The following MOV10L1 variants were observed in gnomAD, a reference collection of about 807,000 sequenced individuals.
MOV10L1 encodes the protein Mov10 like RNA helicase 1.
Under a neutral mutation model 143.8 loss-of-function variants are expected in MOV10L1, and 110 were observed. That is an observed-to-expected ratio of 0.76 (90% confidence interval 0.66 to 0.90). The LOEUF is 0.90. Among genes scored for constraint, MOV10L1 ranks in the 40% least tolerant of loss-of-function variants. The probability of loss-of-function intolerance (pLI) is 0.00; values close to 1 mark genes in which losing one functional copy is unlikely to be tolerated. For missense variants in MOV10L1, 1,406 were observed against 1,526.8 expected (o/e 0.92, Z 1.32); for synonymous variants, 593 against 581.1 (o/e 1.02, Z -0.29).
At chr22:50,148,726 C>T (rs995662385) in intron 19 of MOV10L1, among the ~76,000 whole-genome samples, 1 of 151,016 alleles carries the variant, frequency 6.6e-6, no homozygotes, top group Non-Finnish European at 1.5e-5. Flanking sequence ...TGCAGTGGCG[C>T]GATCTCAGCT....
chr22:50,106,659 C>T (rs35751043), intron 3 of MOV10L1, among the ~76,000 whole-genome samples: 2,771 of 150,984 alleles, frequency 0.018, 48 homozygotes, highest in Middle Eastern at 0.042. Flanking sequence ...AAATGTGTCT[C>T]CAGAGTTGCA....
Position 50,108,730 on chromosome 22 carries a change from A to G in MOV10L1, c.629A>G (p.Lys210Arg). ...ESIFFTLDSL[K>R]LPDGYTPRRG... ...ATCTTCTTTACCTTGGACTCCTTGA[A>G]ACTGCCAGATGGGTACACACCCCGG... is the stretch of plus-strand genomic sequence containing the variant. The change falls in exon 5 of 27, where the codon AAA becomes AGA. Residue 210 changes from lysine (K) to arginine (R), a missense_variant. Physicochemically the swap from Lys to Arg is conservative, Grantham distance 26. This residue lies in a region of MOV10L1 where 1,233 missense variants were observed against 1,351.4 expected (regional missense o/e 0.91). Transcript: ENST00000262794. The G allele has an allele frequency of 6.2e-7, 1 of 1,614,166 alleles. No individual in the cohort carries two copies. The highest frequency in any genetic ancestry group is 8.5e-7 in the Non-Finnish European group (1 of 1,180,026).
chr22:50,114,936 C>T (rs1411318769), intron 7 of MOV10L1, among the ~76,000 whole-genome samples, 178 bp from the exon 8 acceptor site: 1 of 152,228 alleles, frequency 6.6e-6, no homozygotes, highest in Non-Finnish European at 1.5e-5. Context: ...CCCTCTCCTA[C>T]TTCCAGCTGC....
intron 3 of MOV10L1, among the ~76,000 whole-genome samples, chr22:50,104,203 A>G (rs1602144475): frequency 6.6e-6 from 1 of 152,194 alleles, no homozygotes; most frequent in East Asian, 1.9e-4. Flanking sequence ...AATGTGAGCA[A>G]TGGGGAGTGG....
intron 22 of MOV10L1, among the ~76,000 whole-genome samples, chr22:50,155,501 G>A (rs1311118371): frequency 1.3e-5 from 2 of 151,560 alleles, no homozygotes; most frequent in African/African-American, 4.9e-5. Flanking sequence ...TTTGAGACAG[G>A]GTTTTGTTCT....
chr22:50,153,096 C>T lies in MOV10L1; in HGVS notation c.2944C>T (p.Pro982Ser). The T allele has an allele frequency of 6.2e-7, 1 of 1,613,086 alleles. No individual in the cohort carries two copies. The highest frequency in any genetic ancestry group is 8.5e-7 in the Non-Finnish European group (1 of 1,179,104). The part of the protein sequence containing the change: ...YRSHEALLML[P>S]SRLFYHRELE... ...GTCCCACGAGGCCCTGCTGATGCTG[C>T]CCTCACGGCTGTTCTACCACAGGGA... Residue 982 changes from proline to serine, a missense_variant, in exon 22 of 27, where the codon CCC becomes TCC. Coordinates refer to ENST00000262794, the MANE Select transcript of MOV10L1 (RefSeq NM_018995.3).
At chr22:50,148,030 G>T (rs978332822) in intron 19 of MOV10L1, among the ~76,000 whole-genome samples, 2 of 152,266 alleles carry the variant, frequency 1.3e-5, no homozygotes, top group Non-Finnish European at 2.9e-5. Flanking sequence ...TCACCCCACA[G>T]TGGGACACCT....
intron 25 of MOV10L1, 61 bp downstream of exon 25, chr22:50,160,886 G>C (rs909863301): frequency 2.8e-4 from 457 of 1,613,042 alleles, no homozygotes; most frequent in Non-Finnish European, 3.6e-4. Flanking sequence ...CGGGTCACTC[G>C]GGGTGAGACG....
Position 50,143,342 on chromosome 22 carries a change from C to T in MOV10L1, c.2358+121C>T, listed in dbSNP as rs769244368. Reference sequence around the variant, plus strand: ...ACAGTTGGAAAGAGCTTGAGAAATACCAGTTATTTCATAATGTTAAGTCTG... The same window carrying T: ...ACAGTTGGAAAGAGCTTGAGAAATATCAGTTATTTCATAATGTTAAGTCTG... On this transcript the variant is annotated intron_variant, in intron 17 of 26. Transcript: ENST00000262794. The T allele has an allele frequency of 6.4e-6, 7 of 1,096,526 alleles. No individual in the cohort carries two copies. The East Asian group carries it at 1.4e-4, about 22-fold the overall frequency. The allele number at this position is 1,096,526 out of a possible 1,614,324, so 67.9% of individuals were successfully genotyped here. A position where few individuals can be genotyped will look rare whatever the true frequency, so the allele number is the denominator to read the frequency against.
In MOV10L1 at chr22:50,108,824, T is replaced by C. The variant is rs556251526; in HGVS notation, c.723T>C (p.Cys241=). ...SQSCYVWRAL[C]MTLVKRRDAA... ...CATGCTATGTCTGGAGGGCACTTTG[T>C]ATGACCCTAGTGAAGAGGCGGTAAG... Residue 241 remains cysteine (C), a synonymous_variant, in exon 5 of 27, where the codon TGT becomes TGC. Coordinates refer to ENST00000262794, the MANE Select transcript of MOV10L1 (RefSeq NM_018995.3). The C allele has an allele frequency of 6.2e-7, 1 of 1,614,144 alleles. No individual in the cohort carries two copies. Among genetic ancestry groups the C allele is most frequent in the African/African-American group, 1.3e-5 (1 of 75,026 alleles).
chr22:50,100,152 C>T (rs1299085037), intron 3 of MOV10L1, among the ~76,000 whole-genome samples: 1 of 151,772 alleles, frequency 6.6e-6, no homozygotes, highest in African/African-American at 2.4e-5. Context: ...CCACCATGCC[C>T]AGCTAATTTT....
At chr22:50,133,836 G>A (rs550043253) in intron 13 of MOV10L1, among the ~76,000 whole-genome samples, 171 bp from the exon 14 acceptor site, 6 of 152,102 alleles carry the variant, frequency 3.9e-5, no homozygotes, top group African/African-American at 9.6e-5. Context: ...GAGCCACCGC[G>A]CCCGTCCTCT....
chr22:50,090,693 TGA>T, intron 1 of MOV10L1: 2 of 735,750 alleles, frequency 2.7e-6, no homozygotes, highest in Non-Finnish European at 4.5e-6. Flanking sequence ...TGTGTGTGTG[TGA>T]GACGGAGTTT....
chr22:50,100,974 G>A (rs2061730175), intron 3 of MOV10L1, among the ~76,000 whole-genome samples: 2 of 152,196 alleles, frequency 1.3e-5, no homozygotes, highest in Non-Finnish European at 2.9e-5. Context: ...ACTCAGGTCT[G>A]TTTCTTCTTT....
At chr22:50,094,131 CT>C (rs2062526546) in intron 2 of MOV10L1, 1 of 152,194 alleles carries the variant, frequency 6.6e-6, no homozygotes, top group Admixed American at 6.5e-5. Flanking sequence ...GTTTCTCCCC[CT>C]CTGCCCAGAT....
At chr22:50,090,504 T>C (rs1360041487) in intron 1 of MOV10L1, 23 of 1,608,940 alleles carry the variant, frequency 1.4e-5, no homozygotes, top group Non-Finnish European at 1.8e-5. Flanking sequence ...CGCAGCGTCA[T>C]TGGCGGTGGT....
intron 13 of MOV10L1, among the ~76,000 whole-genome samples, chr22:50,133,585 G>A (rs918575206): frequency 6.6e-6 from 1 of 151,746 alleles, no homozygotes; most frequent in East Asian, 1.9e-4. Flanking sequence ...CTGTCACCCA[G>A]GCTGGAGTGC....
At chr22:50,104,828 A>G (rs1301351132) in intron 3 of MOV10L1, among the ~76,000 whole-genome samples, 1 of 152,022 alleles carries the variant, frequency 6.6e-6, no homozygotes, top group African/African-American at 2.4e-5. Context: ...TGTCGTCTTC[A>G]AAGTTGCATT....
intron 8 of MOV10L1, 113 bp downstream of exon 8, chr22:50,115,359 G>A (rs957541359): frequency 1.8e-5 from 22 of 1,242,058 alleles, no homozygotes; most frequent in Admixed American, 3.1e-5. Flanking sequence ...GAGACCAGGA[G>A]TTCGAAACCA....
Sources: allele counts gnomAD v4.1 joint callset (sites outside exome capture counted in the v4.1 genomes callset), GRCh38; gene constraint gnomAD v4.1.1; regional missense constraint gnomAD v4.1.1; transcripts MANE v1.5; gene names NCBI Gene and HGNC (gene_info 2026-07-23, HGNC 2026-07-21).